The following SAMMSON variants were observed in gnomAD, a reference collection of about 807,000 sequenced individuals.
SAMMSON encodes the protein survival associated mitochondrial melanoma specific oncogenic non-coding RNA, also known as long intergenic non-protein coding RNA 1212.
chr3:70,121,044 A>T (rs757245478), intron 4 of SAMMSON, among the ~76,000 whole-genome samples: 10 of 152,184 alleles, frequency 6.6e-5, no homozygotes, highest in Non-Finnish European at 1.3e-4. Flanking sequence ...GGGTCATGAG[A>T]GACAGTGACA....
chr3:70,349,373 T>C (rs1010769203), intron 7 of SAMMSON, among the ~76,000 whole-genome samples: 4 of 149,200 alleles, frequency 2.7e-5, no homozygotes, highest in African/African-American at 9.8e-5. Context: ...AACTCGGTCT[T>C]AAAAAAAAAA....
chr3:70,252,165 G>C (rs1370778598), intron 6 of SAMMSON, among the ~76,000 whole-genome samples: 1 of 152,176 alleles, frequency 6.6e-6, no homozygotes, highest in Non-Finnish European at 1.5e-5. Flanking sequence ...ATGTGTAATT[G>C]ACCAATGTCC....
intron 9 of SAMMSON, among the ~76,000 whole-genome samples, chr3:70,358,587 T>C (rs1185906033): frequency 1.3e-5 from 2 of 152,162 alleles, no homozygotes; most frequent in Non-Finnish European, 2.9e-5. Context: ...AAGTGGCATA[T>C]AGGAGTTGTT....
At chr3:70,357,718 A>T (rs1000446319) in intron 8 of SAMMSON, among the ~76,000 whole-genome samples, 49 of 152,108 alleles carry the variant, frequency 3.2e-4, no homozygotes, top group African/African-American at 1.1e-3. Flanking sequence ...ATAAAATTTT[A>T]AAAAAAGAAA....
At chr3:70,351,691 AAAAC>A (rs140935573) in intron 7 of SAMMSON, among the ~76,000 whole-genome samples, 128,487 of 151,334 alleles carry the variant, frequency 0.85, 54,658 homozygotes, top group East Asian at 0.94. Context: ...GAGCACAGAT[AAAAC>A]AAACAAACAA....
At chr3:70,042,099 G>A (rs1311034511) in intron 3 of SAMMSON, among the ~76,000 whole-genome samples, 1 of 152,058 alleles carries the variant, frequency 6.6e-6, no homozygotes, top group Non-Finnish European at 1.5e-5. Flanking sequence ...GTGTCATGGT[G>A]TATCAGGGTT....
intron 4 of SAMMSON, among the ~76,000 whole-genome samples, chr3:70,198,384 G>C (rs192249573): frequency 6.6e-6 from 1 of 151,998 alleles, no homozygotes; most frequent in African/African-American, 2.4e-5. Flanking sequence ...TCTTATCGCC[G>C]TATTCATTTA....
At chr3:70,384,040 A>G (rs950115410) in intron 9 of SAMMSON, among the ~76,000 whole-genome samples, 1 of 151,974 alleles carries the variant, frequency 6.6e-6, no homozygotes, top group African/African-American at 2.4e-5. Context: ...TTGGTTAAGG[A>G]TGCAATCTTT....
chr3:70,159,771 A>G (rs1576139009), intron 4 of SAMMSON: 1 of 151,884 alleles, frequency 6.6e-6, no homozygotes, highest in Non-Finnish European at 1.5e-5. Context: ...GTTGGCCAGG[A>G]TGGTCTCAAA....
At chr3:70,292,758 G>C (rs1252559303) in intron 7 of SAMMSON, among the ~76,000 whole-genome samples, 8 of 151,914 alleles carry the variant, frequency 5.3e-5, no homozygotes, top group Non-Finnish European at 2.9e-5. Context: ...CACACTGTTT[G>C]CAGATAAAGA....
At chr3:70,238,007 C>G (rs1267114898) in intron 4 of SAMMSON, among the ~76,000 whole-genome samples, 1 of 8,614 alleles carries the variant, frequency 1.2e-4, no homozygotes, top group Non-Finnish European at 2.5e-4. Flanking sequence ...TTTTTTTTTG[C>G]CTGTCCAGGA....
At chr3:70,329,568 CAG>C (rs1702606095) in intron 7 of SAMMSON, among the ~76,000 whole-genome samples, 1 of 151,864 alleles carries the variant, frequency 6.6e-6, no homozygotes. Context: ...TAATTCCACA[CAG>C]AAATTTTTCT....
At chr3:70,216,920 C>T (rs2106733767) in intron 4 of SAMMSON, among the ~76,000 whole-genome samples, 1 of 152,248 alleles carries the variant, frequency 6.6e-6, no homozygotes, top group South Asian at 2.1e-4. Context: ...GGGACCCCTT[C>T]CCCTCACCAC....
intron 6 of SAMMSON, among the ~76,000 whole-genome samples, chr3:70,275,494 G>A (rs1474821383): frequency 6.6e-6 from 1 of 152,150 alleles, no homozygotes; most frequent in Non-Finnish European, 1.5e-5. Flanking sequence ...CAGAGCCTAG[G>A]TGGCAAAGCA....
rs2067049307 is a variant in SAMMSON at position 70,028,143 on chromosome 3, T to TTCCGTCCC, written n.417+14472_417+14473insCCGTCCCT. Among the ~76,000 whole-genome samples the TTCCGTCCC allele has an allele frequency of 2.1e-3, 281 of 130,822 alleles. 4 individuals carry two copies. Among genetic ancestry groups the TTCCGTCCC allele is most frequent in the African/African-American group, 8.1e-3 (266 of 32,928 alleles). The allele number at this position is 130,822 out of a possible 152,430, so 85.8% of individuals were successfully genotyped here. A position where few individuals can be genotyped will look rare whatever the true frequency, so the allele number is the denominator to read the frequency against. ...CTTCCTTCCGTCCCTTCCTTCCTTC[T>TTCCGTCCC]TTCCTTCCTTCCTTCCTTCCTTCCT... On this transcript the variant is annotated intron_variant and non_coding_transcript_variant, in intron 3 of 9. Transcript: ENST00000642114.
intron 4 of SAMMSON, among the ~76,000 whole-genome samples, chr3:70,108,423 CT>C (rs61561713): frequency 0.032 from 2,825 of 89,328 alleles, 185 homozygotes; most frequent in African/African-American, 0.09. Context: ...CTTGCGGTTC[CT>C]TTTTTTTTTT....
At chr3:70,337,226 C>T (rs1311884604) in intron 7 of SAMMSON, among the ~76,000 whole-genome samples, 1 of 147,842 alleles carries the variant, frequency 6.8e-6, no homozygotes, top group Non-Finnish European at 1.5e-5. Context: ...TAATATCTAA[C>T]TTAATATCTA....
At chr3:70,117,756 C>T (rs888085419) in intron 4 of SAMMSON, among the ~76,000 whole-genome samples, 1 of 152,122 alleles carries the variant, frequency 6.6e-6, no homozygotes, top group African/African-American at 2.4e-5. Flanking sequence ...CTGCTTGGTC[C>T]ACAGTGCAAC....
chr3:70,119,536 G>A lies in SAMMSON; in HGVS notation n.507+47971G>A, dbSNP rs1219108938. ...TGTACATTACCTCAAAGCTGGGAATGACATTCAGGAAAATATTGTGAGTCC... is the reference window on the plus strand; with the variant it reads ...TGTACATTACCTCAAAGCTGGGAATAACATTCAGGAAAATATTGTGAGTCC... On this transcript the variant is annotated intron_variant and non_coding_transcript_variant, in intron 4 of 9. Transcript: ENST00000642114. Among the ~76,000 whole-genome samples the A allele has an allele frequency of 3.3e-5, 5 of 152,288 alleles. No individual in the cohort carries two copies. The East Asian group carries it at 9.6e-4, about 29-fold the overall frequency.
Sources: allele counts gnomAD v4.1 joint callset (sites outside exome capture counted in the v4.1 genomes callset), GRCh38; gene constraint gnomAD v4.1.1; transcripts MANE v1.5; gene names NCBI Gene and HGNC (gene_info 2026-07-23, HGNC 2026-07-21).